Variants in SPAG16 observed in about 807,000 individuals in gnomAD.
SPAG16 encodes the protein sperm-associated antigen 16 protein.
A neutral mutation model predicts 80.4 loss-of-function variants in SPAG16; 86 were observed. That is an observed-to-expected ratio of 1.07 (90% CI 0.90 to 1.28). SPAG16 has a LOEUF of 1.28. Ranked by LOEUF, SPAG16 falls within the 50% of genes most tolerant of loss-of-function variation. The probability of loss-of-function intolerance (pLI) is 0.00; values close to 1 mark genes in which losing one functional copy is unlikely to be tolerated. For synonymous variants in SPAG16, 294 were observed against 265.9 expected (o/e 1.11, Z -1.03); for missense variants, 870 against 765.3 (o/e 1.14, Z -1.61).
In SPAG16 at chr2:213,309,784, G is replaced by A. The variant is rs547596455; in HGVS notation, c.280-275G>A. On this transcript the variant is annotated intron_variant, in intron 3 of 15. Transcript: ENST00000331683. The stretch of plus-strand genomic sequence containing the variant: ...GTCCTCTACTTTCTCCCCACCCCAA[G>A]GTACTTAGTACCATCTGTCATAGTA... Among the ~76,000 whole-genome samples, 325 of 151,974 alleles carry A rather than the reference G, an allele frequency of 2.1e-3. 2 individuals are homozygous for A. Among genetic ancestry groups the A allele is most frequent in the African/African-American group, 7.6e-3 (317 of 41,502 alleles).
intron 10 of SPAG16, among the ~76,000 whole-genome samples, chr2:213,522,909 AT>A (rs1178647507): frequency 6.6e-6 from 1 of 151,138 alleles, no homozygotes; most frequent in Admixed American, 6.6e-5. Flanking sequence ...ACATATATAA[AT>A]GTATGTATTT....
intron 12 of SPAG16, among the ~76,000 whole-genome samples, chr2:213,945,976 C>T (rs951866): frequency 0.72 from 108,846 of 152,138 alleles, 39,129 homozygotes; most frequent in South Asian, 0.86. Flanking sequence ...ATAAATGTAG[C>T]ATTGTTATAT....
At chr2:213,956,925 C>A (rs1255384428) in intron 12 of SPAG16, among the ~76,000 whole-genome samples, 1 of 152,012 alleles carries the variant, frequency 6.6e-6, no homozygotes, top group Non-Finnish European at 1.5e-5. Context: ...TGTTTAATTT[C>A]CAATGATTTC....
chr2:213,591,744 G>A (rs2060699452), intron 10 of SPAG16, among the ~76,000 whole-genome samples: 1 of 152,136 alleles, frequency 6.6e-6, no homozygotes, highest in Non-Finnish European at 1.5e-5. Flanking sequence ...ATGGAAAATT[G>A]CTAAGAAGAA....
intron 10 of SPAG16, among the ~76,000 whole-genome samples, chr2:213,776,983 TA>T (rs2069629210): frequency 6.6e-6 from 1 of 151,980 alleles, no homozygotes; most frequent in South Asian, 2.1e-4. Flanking sequence ...TATGTAAGAT[TA>T]AAAAAAGAAA....
rs73986842 is a variant in SPAG16, at chr2:213,431,237, G to T, written c.942+56118G>T. 7.6e-3 allele frequency among the ~76,000 whole-genome samples: 1,152 copies of T among 151,938 alleles called. 26 individuals carry two copies. Among genetic ancestry groups the T allele is most frequent in the African/African-American group, 0.027 (1,108 of 41,442 alleles). On this transcript the variant is annotated intron_variant, in intron 9 of 15. Transcript: ENST00000331683. ...AAAGACAAACGGAGGGGAAAAAAAA[G>T]AATCTACAAAACAACTAGATAACAA...
At chr2:213,910,390 A>G (rs1286197878) in intron 11 of SPAG16, among the ~76,000 whole-genome samples, 2 of 152,238 alleles carry the variant, frequency 1.3e-5, no homozygotes, top group Non-Finnish European at 2.9e-5. Context: ...CAAACAAAAC[A>G]AAACAAAAGT....
intron 10 of SPAG16, among the ~76,000 whole-genome samples, chr2:213,588,859 T>TTGAGAAACTACAATTGAGTAGCAAG (rs2060578628): frequency 1.5e-5 from 2 of 137,658 alleles, no homozygotes; most frequent in Non-Finnish European, 3.1e-5. Context: ...CCTATCCATT[T>TTGAGAAACTACAATTGAGTAGCAAG]TGAGAAACTA....
chr2:214,275,049 A>G (rs1263355678), intron 15 of SPAG16, among the ~76,000 whole-genome samples: 2 of 152,022 alleles, frequency 1.3e-5, no homozygotes, highest in Non-Finnish European at 2.9e-5. Context: ...CCAGGAATTT[A>G]TCTATTTCTT....
chr2:214,260,574 C>T (rs531224540), intron 15 of SPAG16, among the ~76,000 whole-genome samples: 2 of 152,148 alleles, frequency 1.3e-5, no homozygotes, highest in South Asian at 2.1e-4. Context: ...GTCATCTATG[C>T]ATGGCTTTCT....
chr2:214,036,739 C>T (rs2048717394), intron 13 of SPAG16, among the ~76,000 whole-genome samples: 1 of 152,146 alleles, frequency 6.6e-6, no homozygotes, highest in African/African-American at 2.4e-5. Context: ...CTAACCTAGA[C>T]ATCTAAGAAA....
At chr2:214,191,844 A>G (rs2057677474) in intron 15 of SPAG16, among the ~76,000 whole-genome samples, 1 of 152,036 alleles carries the variant, frequency 6.6e-6, no homozygotes. Context: ...ATGTACTTAT[A>G]AGAATTTATT....
intron 15 of SPAG16, among the ~76,000 whole-genome samples, chr2:214,221,531 T>C (rs987511081): frequency 7.9e-5 from 12 of 152,176 alleles, no homozygotes; most frequent in African/African-American, 2.7e-4. Context: ...CTGAATGTCA[T>C]AGATATTAGG....
chr2:213,955,790 C>T (rs963327662), intron 12 of SPAG16, among the ~76,000 whole-genome samples: 12 of 152,012 alleles, frequency 7.9e-5, no homozygotes, highest in African/African-American at 2.9e-4. Context: ...TAATTATTCA[C>T]ACTACTTTTT....
chr2:213,361,581 C>A (rs892314103), intron 7 of SPAG16, among the ~76,000 whole-genome samples: 1 of 150,510 alleles, frequency 6.6e-6, no homozygotes, highest in Non-Finnish European at 1.5e-5. Context: ...TAGAGCTGGG[C>A]AGATAAAATA....
At chr2:213,879,891 G>A (rs2076281610) in intron 11 of SPAG16, among the ~76,000 whole-genome samples, 1 of 152,114 alleles carries the variant, frequency 6.6e-6, no homozygotes. Context: ...CCGTTGGTGG[G>A]CATCTAGGTT....
chr2:213,814,714 T>G (rs1575214117), intron 10 of SPAG16, among the ~76,000 whole-genome samples: 1 of 151,970 alleles, frequency 6.6e-6, no homozygotes, highest in African/African-American at 2.4e-5. Flanking sequence ...TGCTTGAACC[T>G]GGGAGGCGGA....
chr2:213,398,933 T>G (rs1185990493), intron 9 of SPAG16, among the ~76,000 whole-genome samples: 4 of 152,174 alleles, frequency 2.6e-5, no homozygotes, highest in Non-Finnish European at 4.4e-5. Context: ...AAATGTGTTT[T>G]GTTAGTTGCT....
At chr2:213,867,553 G>A (rs1015539012) in intron 11 of SPAG16, among the ~76,000 whole-genome samples, 1 of 151,984 alleles carries the variant, frequency 6.6e-6, no homozygotes, top group Admixed American at 6.6e-5. Flanking sequence ...ACACAAATAC[G>A]GTTGCTAGGC....
Sources: allele counts gnomAD v4.1 joint callset (sites outside exome capture counted in the v4.1 genomes callset), GRCh38; gene constraint gnomAD v4.1.1; transcripts MANE v1.5; gene names NCBI Gene and HGNC (gene_info 2026-07-23, HGNC 2026-07-21).